The following RGS7 variants were observed in gnomAD, a reference collection of about 807,000 sequenced individuals.
RGS7 encodes regulator of G-protein signaling 7.
In RGS7, 27 loss-of-function variants were observed where a neutral mutation model predicts 81.1. The ratio of observed to expected loss-of-function variants is 0.33; its 90% CI spans 0.25 to 0.46. The LOEUF (loss-of-function observed/expected upper bound fraction) is 0.46. Ranked by LOEUF, RGS7 falls within the 20% of genes least tolerant of loss-of-function variation. RGS7 has a pLI of 1.00. For synonymous variants in RGS7, 208 were observed against 207.7 expected (o/e 1.00, Z -0.01); for missense variants, 396 against 607.4 (o/e 0.65, Z 3.66).
intron 3 of RGS7, among the ~76,000 whole-genome samples, chr1:241,095,943 A>C (rs540587938): frequency 6.6e-6 from 1 of 152,328 alleles, no homozygotes; most frequent in South Asian, 2.1e-4. Flanking sequence ...CTAATGGTCC[A>C]TGGAAGTAAT....
intron 3 of RGS7, among the ~76,000 whole-genome samples, chr1:241,050,646 C>A (rs1248087825): frequency 6.6e-6 from 1 of 152,078 alleles, no homozygotes. Flanking sequence ...CCCACCTCTG[C>A]CACTCCTGAG....
At chr1:241,084,133 C>T (rs1393459849) in intron 3 of RGS7, among the ~76,000 whole-genome samples, 4 of 152,178 alleles carry the variant, frequency 2.6e-5, no homozygotes, top group Non-Finnish European at 5.9e-5. Flanking sequence ...ACCAAGTTTG[C>T]TCCTTCTTAC....
intron 18 of RGS7, among the ~76,000 whole-genome samples, chr1:240,799,353 T>TG (rs1687649933): frequency 6.4e-5 from 1 of 15,724 alleles, no homozygotes; most frequent in East Asian, 1.0e-3. Context: ...ATTCCAGTTG[T>TG]TTTTTTTTTT....
At chr1:241,325,215 C>G (rs2081423539) in intron 2 of RGS7, among the ~76,000 whole-genome samples, 1 of 152,150 alleles carries the variant, frequency 6.6e-6, no homozygotes, top group African/African-American at 2.4e-5. Context: ...GAAAAACTTT[C>G]CTAATAAGTT....
chr1:241,194,895 A>AT (rs2072950555), intron 2 of RGS7, among the ~76,000 whole-genome samples: 3 of 152,326 alleles, frequency 2.0e-5, no homozygotes, highest in South Asian at 2.1e-4. Flanking sequence ...GCCTTCCAGG[A>AT]ATGAAAAATC....
At chr1:241,010,435 A>C (rs1211933390) in intron 3 of RGS7, among the ~76,000 whole-genome samples, 1 of 152,166 alleles carries the variant, frequency 6.6e-6, no homozygotes. Flanking sequence ...CACTAACCTA[A>C]ATCCACCAGG....
chr1:241,205,416 T>C (rs983997931), intron 2 of RGS7, among the ~76,000 whole-genome samples: 2 of 151,822 alleles, frequency 1.3e-5, no homozygotes, highest in Non-Finnish European at 2.9e-5. Flanking sequence ...TTCTTATTCA[T>C]AAACCAATTA....
chr1:241,043,821 G>A (rs1042182307), intron 3 of RGS7, among the ~76,000 whole-genome samples: 1 of 151,848 alleles, frequency 6.6e-6, no homozygotes, highest in South Asian at 2.1e-4. Flanking sequence ...ATGTATAAGG[G>A]AGGATGTGTG....
chr1:240,851,559 A>G (rs1230365626), intron 9 of RGS7, among the ~76,000 whole-genome samples: 1 of 152,226 alleles, frequency 6.6e-6, no homozygotes, highest in African/African-American at 2.4e-5. Flanking sequence ...TTATTACTTA[A>G]GAAATGCATT....
At chr1:240,835,952 CCAGCA>C (rs1694660526) in intron 9 of RGS7, among the ~76,000 whole-genome samples, 1 of 151,934 alleles carries the variant, frequency 6.6e-6, no homozygotes, top group Non-Finnish European at 1.5e-5. Context: ...ATAAATAGGC[CCAGCA>C]CGGAGAAATT....
chr1:241,169,818 TTA>T (rs1438164050), intron 2 of RGS7, among the ~76,000 whole-genome samples: 2 of 152,176 alleles, frequency 1.3e-5, no homozygotes, highest in African/African-American at 2.4e-5. Context: ...AAGAAATCGA[TTA>T]TGTTTCTTCC....
At chr1:240,878,492 T>TC (rs965345943) in intron 6 of RGS7, among the ~76,000 whole-genome samples, 30 of 146,226 alleles carry the variant, frequency 2.1e-4, no homozygotes, top group African/African-American at 6.0e-4. Flanking sequence ...TTTCTTTCTT[T>TC]TTTTTTTTTT....
chr1:240,917,434 T>C (rs745614819), intron 6 of RGS7, among the ~76,000 whole-genome samples: 1 of 152,128 alleles, frequency 6.6e-6, no homozygotes, highest in South Asian at 2.1e-4. Flanking sequence ...TTGGTGGTTA[T>C]AGCCTAAAGG....
chr1:241,224,601 G>A (rs998170581), intron 2 of RGS7, among the ~76,000 whole-genome samples: 1 of 152,018 alleles, frequency 6.6e-6, no homozygotes, highest in Non-Finnish European at 1.5e-5. Flanking sequence ...CAATAATTTG[G>A]TCAATTGTGG....
chr1:241,068,257 T>TATATATACATATATATATAA (rs1433690559), intron 3 of RGS7, among the ~76,000 whole-genome samples: 1 of 73,268 alleles, frequency 1.4e-5, no homozygotes, highest in South Asian at 6.2e-4. Context: ...TATATATATA[T>TATATATACATATATATATAA]AAAATATTGT....
Position 240,977,623 on chromosome 1 carries a change from T to C in RGS7, c.226+5456A>G, listed in dbSNP as rs576454509. Among the ~76,000 whole-genome samples, 12 of 152,276 alleles carry C rather than the reference T, an allele frequency of 7.9e-5. 1 individual carries two copies. Among genetic ancestry groups the C allele is most frequent in the African/African-American group, 2.6e-4 (11 of 41,550 alleles). ...GTCTGAAAGTCTAACCAATATTCCA[T>C]ATATAAGACCAGATTGCAACATTCT... On this transcript the variant is annotated intron_variant, in intron 4 of 18. Transcript: ENST00000440928.
chr1:240,882,932 C>T (rs1393214373), intron 6 of RGS7, among the ~76,000 whole-genome samples: 1 of 152,156 alleles, frequency 6.6e-6, no homozygotes, highest in Non-Finnish European at 1.5e-5. Flanking sequence ...TGATGTTCCC[C>T]TTCCTGTGTC....
chr1:241,009,282 G>A (rs1002371359), intron 3 of RGS7, among the ~76,000 whole-genome samples: 6 of 152,120 alleles, frequency 3.9e-5, no homozygotes, highest in Admixed American at 2.0e-4. Flanking sequence ...ATTATAATCC[G>A]GTTAAATTTC....
At chr1:240,840,569 G>A (rs930399147) in intron 9 of RGS7, among the ~76,000 whole-genome samples, 1 of 152,166 alleles carries the variant, frequency 6.6e-6, no homozygotes. Flanking sequence ...CACTGCGCCC[G>A]GCCTCACTGG....
Sources: allele counts gnomAD v4.1 joint callset (sites outside exome capture counted in the v4.1 genomes callset), GRCh38; gene constraint gnomAD v4.1.1; transcripts MANE v1.5; gene names NCBI Gene and HGNC (gene_info 2026-07-23, HGNC 2026-07-21).